METTL9: variants seen among roughly 807,000 people sequenced by gnomAD.
METTL9 encodes methyltransferase 9, His-X-His N1(pi)-histidine.
Under a neutral mutation model 36.0 loss-of-function variants are expected in METTL9, and 10 were observed. The ratio of observed to expected loss-of-function variants is 0.28; its 90% CI spans 0.17 to 0.47. The LOEUF is 0.47. Ranked by LOEUF, METTL9 falls within the 20% of genes least tolerant of loss-of-function variation. The probability of loss-of-function intolerance (pLI) is 0.99; values close to 1 mark genes in which losing one functional copy is unlikely to be tolerated. For missense variants in METTL9, 246 were observed against 383.5 expected, an observed-to-expected ratio of 0.64 and a Z score of 3.00; for synonymous variants, 175 against 149.7, an observed-to-expected ratio of 1.17 and a Z score of -1.23.
intron 1 of METTL9, among the ~76,000 whole-genome samples, chr16:21,606,698 G>T (rs551829172): frequency 4.6e-5 from 7 of 152,068 alleles, no homozygotes; most frequent in Non-Finnish European, 1.0e-4. Context: ...CATCCTGTTA[G>T]CATACAAAAG....
chr16:21,613,168 C>CTTTTTTTTTTTTTTT lies in METTL9; in HGVS notation c.356+355_356+369dup, dbSNP rs57388340. 2.6e-4 allele frequency among the ~76,000 whole-genome samples: 24 copies of CTTTTTTTTTTTTTTT among 91,422 alleles called. 3 individuals carry two copies. The highest frequency in any genetic ancestry group is 1.1e-3 in the East Asian group (3 of 2,828). The allele number at this position is 91,422 out of a possible 152,430, so 60.0% of individuals were successfully genotyped here. On this transcript the variant is annotated intron_variant, in intron 2 of 4. Transcript: ENST00000358154. ...ATCAGGGGCTAGGTCTGAGAGTCTGCTTTTTTTTTTTTTTTTTTTTTTTTT... is the reference window on the plus strand; with the variant it reads ...ATCAGGGGCTAGGTCTGAGAGTCTGCTTTTTTTTTTTTTTTTTTTTTTTTTTTTTTTTTTTTTTTT...
intron 2 of METTL9, among the ~76,000 whole-genome samples, chr16:21,613,809 G>C (rs1038393553): frequency 4.1e-5 from 6 of 147,540 alleles, no homozygotes; most frequent in African/African-American, 1.5e-4. Flanking sequence ...TAAATCCATA[G>C]AAAAAGCTTT....
intron 2 of METTL9, among the ~76,000 whole-genome samples, chr16:21,615,896 G>A (rs1003705653): frequency 1.3e-5 from 2 of 152,148 alleles, no homozygotes; most frequent in South Asian, 2.1e-4. Context: ...TTTATGAGAC[G>A]TGATTTTCTT....
chr16:21,634,192 A>C (rs1966029558), intron 4 of METTL9, among the ~76,000 whole-genome samples: 1 of 152,188 alleles, frequency 6.6e-6, no homozygotes, highest in Non-Finnish European at 1.5e-5. Context: ...CAGGAGATTA[A>C]CACTGAGAAG....
intron 1 of METTL9, among the ~76,000 whole-genome samples, chr16:21,604,646 C>T (rs1965225513): frequency 6.6e-6 from 1 of 152,174 alleles, no homozygotes; most frequent in African/African-American, 2.4e-5. Context: ...CTATGCTGTG[C>T]TTAAATGCAA....
In METTL9 at chr16:21,656,102, T is replaced by G. The variant is rs1966702622; in HGVS notation, c.*670T>G. 1 of 150,546 alleles carries G rather than the reference T, an allele frequency of 6.6e-6. No individual in the cohort carries two copies. 9.3% of individuals were successfully genotyped at this position (150,546 alleles called of 1,614,324 possible). A position where few individuals can be genotyped will look rare whatever the true frequency, so the allele number is the denominator to read the frequency against. ...AAGGGGAGATTATTGCAAATTGCAGTGAACACTGAGTCAGTAAAAAAAAAA... is the reference window on the plus strand; with the variant it reads ...AAGGGGAGATTATTGCAAATTGCAGGGAACACTGAGTCAGTAAAAAAAAAA... On this transcript the variant is annotated 3_prime_UTR_variant, in exon 5 of 5. Coordinates refer to ENST00000358154, the MANE Select transcript of METTL9 (RefSeq NM_016025.5).
At chr16:21,617,171 G>A (rs913533087) in intron 2 of METTL9, among the ~76,000 whole-genome samples, 2 of 152,286 alleles carry the variant, frequency 1.3e-5, no homozygotes, top group South Asian at 4.2e-4. Context: ...TGTAATCCCA[G>A]CACTTTGGAG....
intron 4 of METTL9, among the ~76,000 whole-genome samples, chr16:21,633,688 A>G (rs192180116): frequency 9.2e-5 from 14 of 152,322 alleles, no homozygotes; most frequent in Non-Finnish European, 1.6e-4. Context: ...AAGATCTTGC[A>G]CTAGTCTCCA....
At chr16:21,605,205 C>T (rs1355130002) in intron 1 of METTL9, among the ~76,000 whole-genome samples, 2 of 145,772 alleles carry the variant, frequency 1.4e-5, no homozygotes, top group Admixed American at 7.0e-5. Flanking sequence ...TTATGATGCC[C>T]CTCCTGGTAA....
rs956480440 is a variant in METTL9 at position 21,606,907 on chromosome 16, CAT to C, written c.166-5737_166-5736del. On this transcript the variant is annotated intron_variant, in intron 1 of 4. Coordinates refer to ENST00000358154, the MANE Select transcript of METTL9 (RefSeq NM_016025.5). ...TGTATTTTGGATATGTTGTATATCA[CAT>C]GTTTGATTAGTTGATAAACTCCAAA... Among the ~76,000 whole-genome samples the C allele has an allele frequency of 1.7e-4, 26 of 151,294 alleles. 1 individual carries two copies. Among genetic ancestry groups the C allele is most frequent in the South Asian group, 4.2e-4 (2 of 4,772 alleles).
At chr16:21,616,960 T>TA (rs1177027507) in intron 2 of METTL9, among the ~76,000 whole-genome samples, 1 of 152,190 alleles carries the variant, frequency 6.6e-6, no homozygotes, top group African/African-American at 2.4e-5. Context: ...ATTCATCTCT[T>TA]ACTTATTTCT....
At chr16:21,630,023 G>T (rs1424049848) in intron 4 of METTL9, among the ~76,000 whole-genome samples, 1 of 152,202 alleles carries the variant, frequency 6.6e-6, no homozygotes, top group Non-Finnish European at 1.5e-5. Context: ...CCATTAGCTA[G>T]ACACAGAGTG....
intron 2 of METTL9, among the ~76,000 whole-genome samples, chr16:21,617,004 C>T (rs1470558218): frequency 6.6e-6 from 1 of 152,196 alleles, no homozygotes; most frequent in Non-Finnish European, 1.5e-5. Context: ...CCACTTTCCA[C>T]CTTTTATTTC....
intron 4 of METTL9, among the ~76,000 whole-genome samples, chr16:21,636,673 A>G (rs1366517616): frequency 6.6e-6 from 1 of 152,188 alleles, no homozygotes; most frequent in Non-Finnish European, 1.5e-5. Flanking sequence ...AGTACTGGAA[A>G]GGCGGAAGCT....
chr16:21,639,431 G>A (rs2141606306), intron 4 of METTL9: 1 of 152,306 alleles, frequency 6.6e-6, no homozygotes, highest in East Asian at 1.9e-4. Context: ...CAACACTTCT[G>A]TTCATTTCGA....
At chr16:21,647,506 C>G in intron 4 of METTL9, 2 of 1,599,198 alleles carry the variant, frequency 1.3e-6, no homozygotes, top group Non-Finnish European at 1.7e-6. Context: ...TGGGAGGAAG[C>G]AGATGAGTGG....
rs1216052064 is a variant in METTL9 at position 21,641,563 on chromosome 16, T to C, written c.752-13664T>C. ...GGCCTTTCATAGTTGGAAAGTACTC[T>C]TCTGTTTTCATAAGTGTTGTTATCT... On this transcript the variant is annotated intron_variant, in intron 4 of 4. Transcript: ENST00000358154. 5.0e-6 allele frequency: 8 copies of C among 1,594,104 alleles called. No individual in the cohort carries two copies. In the East Asian group the frequency reaches 1.8e-4, roughly 36 times the overall value.
rs923784149 is a variant in METTL9 at position 21,613,192 on chromosome 16, TTTTTTTTTTTTTA to T, written c.356+358_356+370del. Among the ~76,000 whole-genome samples, 4 of 58,646 alleles carry T rather than the reference TTTTTTTTTTTTTA, an allele frequency of 6.8e-5. No individual in the cohort carries two copies. The Admixed American group carries it at 8.2e-4, about 12-fold the overall frequency. The allele number at this position is 58,646 out of a possible 152,430, so 38.5% of individuals were successfully genotyped here. ...GCTTTTTTTTTTTTTTTTTTTTTTT[TTTTTTTTTTTTTA>T]AAGACAGTCCTGCTCTGTTTCCCAG... On this transcript the variant is annotated intron_variant, in intron 2 of 4. Coordinates refer to ENST00000358154, the MANE Select transcript of METTL9 (RefSeq NM_016025.5).
At chr16:21,644,055 G>A (rs1474308005) in intron 4 of METTL9, among the ~76,000 whole-genome samples, 1 of 152,054 alleles carries the variant, frequency 6.6e-6, no homozygotes, top group African/African-American at 2.4e-5. Context: ...ATGCTACTGG[G>A]CTTTAAAGAG....
Sources: allele counts gnomAD v4.1 joint callset (sites outside exome capture counted in the v4.1 genomes callset), GRCh38; gene constraint gnomAD v4.1.1; transcripts MANE v1.5; gene names NCBI Gene and HGNC (gene_info 2026-07-23, HGNC 2026-07-21).